Variants in REV1 observed in about 807,000 individuals in gnomAD.
REV1 encodes REV1 DNA directed polymerase, also known as translesion synthesis protein REV1.
REV1 carries 42 observed loss-of-function variants against 137.4 expected under a neutral mutation model. The observed-to-expected ratio is 0.31, with a 90% CI of 0.24 to 0.40. The LOEUF (loss-of-function observed/expected upper bound fraction) is 0.40, where lower values mean the gene tolerates loss of function less well. Among genes scored for constraint, REV1 ranks in the 10% least tolerant of loss-of-function variants. The probability of loss-of-function intolerance (pLI) is 1.00; values close to 1 mark genes in which losing one functional copy is unlikely to be tolerated. For synonymous variants in REV1, 524 were observed against 519.2 expected (o/e 1.01, Z -0.12); for missense variants, 1,282 against 1,490.1 (o/e 0.86, Z 2.30).
At chr2:99,442,221 C>T (rs1681582163) in intron 5 of REV1, 96 bp downstream of exon 5, 7 of 1,203,472 alleles carry the variant, frequency 5.8e-6, no homozygotes, top group Admixed American at 2.9e-5. Flanking sequence ...CATTGCACTC[C>T]AGCCTCGGCA....
chr2:99,436,998 T>G (rs559113250), intron 6 of REV1, among the ~76,000 whole-genome samples: 18 of 151,246 alleles, frequency 1.2e-4, no homozygotes, highest in South Asian at 2.1e-4. Flanking sequence ...TTGTTTTTTT[T>G]TTTTTTTTGA....
intron 10 of REV1, 48 bp downstream of exon 10, chr2:99,424,104 T>A (rs1679031935): frequency 1.1e-5 from 18 of 1,589,558 alleles, no homozygotes; most frequent in Non-Finnish European, 1.5e-5. Context: ...TACTATTAGC[T>A]AAAAGAAGGA....
At chr2:99,418,428 C>T (rs1678185455) in intron 12 of REV1, among the ~76,000 whole-genome samples, 1 of 152,150 alleles carries the variant, frequency 6.6e-6, no homozygotes, top group South Asian at 2.1e-4. Flanking sequence ...ACTCAGAAAA[C>T]TGTCGCTAGT....
intron 3 of REV1, among the ~76,000 whole-genome samples, chr2:99,461,434 C>T (rs1220355593): frequency 2.0e-5 from 3 of 152,100 alleles, no homozygotes; most frequent in African/African-American, 4.8e-5. Flanking sequence ...ATTCAGGGAG[C>T]CATAGCTCCA....
Position 99,461,043 on chromosome 2 carries a change from T to C in REV1, c.181+1453A>G, listed in dbSNP as rs140821618. 5.3e-3 allele frequency among the ~76,000 whole-genome samples: 811 copies of C among 152,302 alleles called. 38 individuals are homozygous for C. The highest frequency in any genetic ancestry group is 0.048 in the Admixed American group (734 of 15,308). On this transcript the variant is annotated intron_variant, in intron 3 of 22. Transcript: ENST00000258428. The stretch of plus-strand genomic sequence containing the variant: ...ATGCCTGTTTTCATTAACGTTTTAA[T>C]TTTTCATAGAGCATCTCAGGAAGTC...
rs1295238354 is a variant in REV1, at chr2:99,400,982, A to ACTT, written c.*256_*258dup. On this transcript the variant is annotated 3_prime_UTR_variant, in exon 23 of 23. Transcript: ENST00000258428. ...AGTTCTTTATTAAACAACTGTAAAC[A>ACTT]CTTCACTGTAAAAATCCATAAAACT... 2 of 262,554 alleles carry ACTT rather than the reference A, an allele frequency of 7.6e-6. No individual in the cohort carries two copies. The highest frequency in any genetic ancestry group is 2.2e-5 in the African/African-American group (1 of 45,588). The allele number at this position is 262,554 out of a possible 1,614,324, so 16.3% of individuals were successfully genotyped here. A position where few individuals can be genotyped will look rare whatever the true frequency, so the allele number is the denominator to read the frequency against.
intron 12 of REV1, among the ~76,000 whole-genome samples, chr2:99,417,151 GT>G (rs1270551292): frequency 6.6e-6 from 1 of 151,786 alleles, no homozygotes; most frequent in Non-Finnish European, 1.5e-5. Context: ...TTTTTGTTTT[GT>G]TTTTTTCAAC....
intron 7 of REV1, 114 bp from the exon 8 acceptor site, chr2:99,434,562 T>C: frequency 1.9e-6 from 1 of 537,086 alleles, no homozygotes; most frequent in Non-Finnish European, 3.2e-6. Flanking sequence ...TTAGCTTTAC[T>C]TAGACATTAA....
chr2:99,467,077 T>G (rs929638699), intron 1 of REV1, among the ~76,000 whole-genome samples: 1 of 152,168 alleles, frequency 6.6e-6, no homozygotes, highest in Admixed American at 6.5e-5. Flanking sequence ...GCTATTAAAC[T>G]GTTAAATAAA....
Position 99,412,771 on chromosome 2 carries a change from G to C in REV1, c.2132C>G (p.Ser711Cys). ...RPVRTEKERK[S>C]VSAEINYGIR... ...TCCATAGTTGATCTCAGCTGAAACA[G>C]ATTTTCTTTCCTTTTCAGTTCGAAC... Residue 711 changes from serine to cysteine, a missense_variant, in exon 13 of 23, where the codon TCT (serine) becomes TGT (cysteine). Transcript: ENST00000258428. 3.1e-6 allele frequency: 5 copies of C among 1,614,130 alleles called. No homozygotes were observed. Among genetic ancestry groups the C allele is most frequent in the Non-Finnish European group, 4.2e-6 (5 of 1,180,000 alleles).
At chr2:99,485,991 G>A (rs547042349) in intron 1 of REV1, among the ~76,000 whole-genome samples, 2 of 152,294 alleles carry the variant, frequency 1.3e-5, no homozygotes, top group Admixed American at 1.3e-4. Flanking sequence ...CAGGCATGGT[G>A]GCACATGCCT....
At chr2:99,477,213 C>T (rs533684296) in intron 1 of REV1, among the ~76,000 whole-genome samples, 5 of 152,322 alleles carry the variant, frequency 3.3e-5, no homozygotes, top group Admixed American at 2.0e-4. Flanking sequence ...ACATTTCCCA[C>T]GCTCCTCTCA....
chr2:99,419,676 G>C (rs1301078535), intron 11 of REV1, among the ~76,000 whole-genome samples: 1 of 152,172 alleles, frequency 6.6e-6, no homozygotes. Context: ...GGGAACTGAG[G>C]GTAGAAGAGT....
chr2:99,464,969 G>A lies in REV1; in HGVS notation c.7C>T (p.Arg3Ter), dbSNP rs1321203571. 5 of 1,612,374 alleles carry A rather than the reference G, an allele frequency of 3.1e-6. No homozygotes were observed. Among genetic ancestry groups the A allele is most frequent in the Non-Finnish European group, 2.5e-6 (3 of 1,179,212 alleles). MR[R>*]GGWRKRAEND... ...TCAGCTCGCTTCCTCCATCCACCTC[G>A]CCTCATGGTGGAGCTTCTGTATTGG... is the stretch of plus-strand genomic sequence containing the variant. Residue 3 changes from arginine (R) to a stop codon, truncating the protein, a stop_gained, in exon 2 of 23, where the codon CGA (arginine) becomes TGA (stop). Transcript: ENST00000258428. LOFTEE classifies it high-confidence loss of function.
chr2:99,452,765 T>C (rs1053999851), intron 3 of REV1, among the ~76,000 whole-genome samples: 2 of 152,170 alleles, frequency 1.3e-5, no homozygotes, highest in African/African-American at 2.4e-5. Context: ...GAATCCACCC[T>C]CCAGCAAAAG....
intron 6 of REV1, among the ~76,000 whole-genome samples, chr2:99,437,387 G>A (rs1462693583): frequency 6.6e-6 from 1 of 152,074 alleles, no homozygotes; most frequent in African/African-American, 2.4e-5. Context: ...GAACTAACTT[G>A]CCCATAGTCC....
chr2:99,439,530 G>A (rs139565548), intron 5 of REV1, among the ~76,000 whole-genome samples: 1 of 151,446 alleles, frequency 6.6e-6, no homozygotes, highest in African/African-American at 2.4e-5. Context: ...TGCAAAAGTA[G>A]CAAGATAACT....
At chr2:99,407,987 C>A in intron 15 of REV1, 42 bp downstream of exon 15, 1 of 1,240,670 alleles carries the variant, frequency 8.1e-7, no homozygotes. Flanking sequence ...ATGAGAGATA[C>A]ATTACACAAA....
At chr2:99,473,378 AAG>A (rs1553568301) in intron 1 of REV1, among the ~76,000 whole-genome samples, 66 of 115,136 alleles carry the variant, frequency 5.7e-4, no homozygotes, top group African/African-American at 1.4e-3. Context: ...AAAAAAAAAA[AAG>A]AAAAGAAAAG....
Sources: allele counts gnomAD v4.1 joint callset (sites outside exome capture counted in the v4.1 genomes callset), GRCh38; gene constraint gnomAD v4.1.1; transcripts MANE v1.5; gene names NCBI Gene and HGNC (gene_info 2026-07-23, HGNC 2026-07-21).